Variants in MRPL37 observed in about 807,000 individuals in gnomAD.
MRPL37 encodes the protein large ribosomal subunit protein mL37.
In MRPL37, 34 loss-of-function variants were observed where a neutral mutation model predicts 44.1. The ratio of observed to expected loss-of-function variants is 0.77; its 90% CI spans 0.59 to 1.03. The LOEUF is 1.03. Among genes scored for constraint, MRPL37 ranks in the 50% least tolerant of loss-of-function variants. MRPL37 has a pLI of 0.00. For missense variants in MRPL37, 532 were observed against 543.7 expected, an observed-to-expected ratio of 0.98 and a Z score of 0.21; for synonymous variants, 212 against 219.5, an observed-to-expected ratio of 0.97 and a Z score of 0.30.
intron 6 of MRPL37, among the ~76,000 whole-genome samples, chr1:54,217,945 C>T (rs896740907): frequency 6.6e-5 from 10 of 152,170 alleles, no homozygotes; most frequent in Admixed American, 5.9e-4. Flanking sequence ...GAGAGGGCCT[C>T]GGGAGCAGAG....
In MRPL37 at chr1:54,209,937, CCCTT is replaced by C; in HGVS notation, c.647-8_647-5del. On this transcript the variant is annotated splice_region_variant and splice_polypyrimidine_tract_variant and intron_variant, in intron 3 of 6. Transcript: ENST00000360840. ...ACCAGGTTAGAGTAACCATTTTTCT[CCCTT>C]TTAGAGTCTCTTCTCCTTCAAGTCC... is the stretch of plus-strand genomic sequence containing the variant. The C allele has an allele frequency of 6.2e-7, 1 of 1,611,866 alleles. No individual in the cohort carries two copies. The highest frequency in any genetic ancestry group is 8.5e-7 in the Non-Finnish European group (1 of 1,179,238).
At chr1:54,205,944 T>A (rs1371317977) in intron 3 of MRPL37, among the ~76,000 whole-genome samples, 1 of 152,202 alleles carries the variant, frequency 6.6e-6, no homozygotes, top group Non-Finnish European at 1.5e-5. Flanking sequence ...TTAGTCTTTC[T>A]AGTCTTATCT....
chr1:54,213,925 G>A (rs1307802562), intron 5 of MRPL37, among the ~76,000 whole-genome samples: 1 of 152,232 alleles, frequency 6.6e-6, no homozygotes, highest in Non-Finnish European at 1.5e-5. Flanking sequence ...GTGCATACCT[G>A]TAATCCCAGC....
intron 1 of MRPL37, among the ~76,000 whole-genome samples, chr1:54,204,326 G>A (rs1644105717): frequency 6.6e-6 from 1 of 152,016 alleles, no homozygotes; most frequent in African/African-American, 2.4e-5. Flanking sequence ...AGGTTGTGGT[G>A]AGCCGAGATC....
At chr1:54,204,969 C>T (rs1644109881) in intron 1 of MRPL37, 49 bp from the exon 2 acceptor site, 4 of 1,579,114 alleles carry the variant, frequency 2.5e-6, no homozygotes, top group Non-Finnish European at 3.4e-6. Context: ...GCATCTCTTC[C>T]TGAATCTTTT....
chr1:54,217,786 C>T (rs1644208258), intron 6 of MRPL37, among the ~76,000 whole-genome samples: 1 of 152,192 alleles, frequency 6.6e-6, no homozygotes, highest in African/African-American at 2.4e-5. Context: ...AGTCAAGTTA[C>T]TGCTGTGTCT....
At position 54,205,145 on chromosome 1, in the gene MRPL37, C is replaced by G. The variant is rs1458599455; in HGVS notation, c.474C>G (p.Ile158Met). Residue 158 changes from isoleucine (I) to methionine (M), a missense_variant, in exon 2 of 7, where the codon ATC becomes ATG. Physicochemically the swap from Ile to Met is conservative, Grantham distance 10. Coordinates refer to ENST00000360840, the MANE Select transcript of MRPL37 (RefSeq NM_016491.4). ...ENQDECVLNV[I>M]SHARLWQTTE... ...AAGACGAGTGCGTTCTGAATGTGAT[C>G]TCTCACGCCCGTCTCTGGCAGACCA... 1.2e-6 allele frequency: 2 copies of G among 1,614,170 alleles called. No individual in the cohort carries two copies. Among genetic ancestry groups the G allele is most frequent in the South Asian group, 1.1e-5 (1 of 91,076 alleles).
chr1:54,217,433 G>A (rs1240085753), intron 6 of MRPL37, among the ~76,000 whole-genome samples: 3 of 152,128 alleles, frequency 2.0e-5, no homozygotes, highest in Non-Finnish European at 4.4e-5. Context: ...CCAGGATACT[G>A]ACTCAGGGCT....
chr1:54,203,937 TTGC>T (rs1433227175), intron 1 of MRPL37, among the ~76,000 whole-genome samples: 3 of 152,246 alleles, frequency 2.0e-5, no homozygotes, highest in African/African-American at 7.2e-5. Flanking sequence ...TTATTGCCTA[TTGC>T]TGCTTTTGTG....
chr1:54,219,743 C>T (rs76498854), downstream of MRPL37, among the ~76,000 whole-genome samples: 55 of 152,378 alleles, frequency 3.6e-4, no homozygotes, highest in East Asian at 7.9e-3. Flanking sequence ...CAAGTTTCTT[C>T]CATGCTGTTG....
At position 54,205,411 on chromosome 1, in the gene MRPL37, G is replaced by A. The variant is rs759245903; in HGVS notation, c.646+1G>A. On this transcript the variant is annotated splice_donor_variant, in intron 3 of 6. Transcript: ENST00000360840. LOFTEE classifies it high-confidence loss of function. ...ACGTTTTCTGCTACCTGGAACCGAG[G>A]TTGGTCATCTTGTACACCAGAAAGC... The A allele has an allele frequency of 1.2e-5, 20 of 1,612,190 alleles. No homozygotes were observed. The Admixed American group carries it at 2.0e-4, about 16-fold the overall frequency.
At chr1:54,213,177 G>A (rs1478503444) in intron 5 of MRPL37, among the ~76,000 whole-genome samples, 1 of 152,238 alleles carries the variant, frequency 6.6e-6, no homozygotes, top group Non-Finnish European at 1.5e-5. Context: ...ATCCTAAGAG[G>A]AGGTTTCAGG....
chr1:54,207,109 C>G (rs1377538463), intron 3 of MRPL37, among the ~76,000 whole-genome samples: 1 of 152,206 alleles, frequency 6.6e-6, no homozygotes, highest in Non-Finnish European at 1.5e-5. Flanking sequence ...CTCAAGCCCC[C>G]CTTCTCTGTG....
chr1:54,208,013 C>T (rs1301934163), intron 3 of MRPL37, among the ~76,000 whole-genome samples: 3 of 152,156 alleles, frequency 2.0e-5, no homozygotes, highest in Non-Finnish European at 4.4e-5. Context: ...TTTCCAGGCA[C>T]ATTTTGTCTG....
At chr1:54,200,688 C>A in intron 1 of MRPL37, 99 bp downstream of exon 1, 1 of 1,333,090 alleles carries the variant, frequency 7.5e-7, no homozygotes, top group South Asian at 1.5e-5. Context: ...CTCTGTGGGT[C>A]TTGGTTTCTT....
rs774954434 is a variant in MRPL37, at chr1:54,218,228, A to C, written c.1251A>C (p.Leu417=). The change falls in exon 7 of 7, where the codon CTA becomes CTC. Residue 417 remains leucine (L), a synonymous_variant. Coordinates refer to ENST00000360840, the MANE Select transcript of MRPL37 (RefSeq NM_016491.4). The part of the protein sequence containing the change: ...KPETFRKFLA[L]YLHGAA ...AGACATTCAGAAAGTTTTTAGCTCT[A>C]TATTTGCATGGTGCTGCGTGAGCGG... 2 of 1,614,194 alleles carry C rather than the reference A, an allele frequency of 1.2e-6. No individual in the cohort carries two copies. Among genetic ancestry groups the C allele is most frequent in the Admixed American group, 1.7e-5 (1 of 60,032 alleles).
At chr1:54,204,897 GA>G in intron 1 of MRPL37, 120 bp from the exon 2 acceptor site, 3 of 1,178,144 alleles carry the variant, frequency 2.5e-6, no homozygotes, top group Non-Finnish European at 3.5e-6. Context: ...AGGTGTCACA[GA>G]ACAAATCCAG....
chr1:54,220,667 A>G (rs780531916), downstream of MRPL37: 1 of 471,674 alleles, frequency 2.1e-6, no homozygotes. Flanking sequence ...TCACTCCCTC[A>G]TTCAACGCAG....
chr1:54,218,066 A>G, intron 6 of MRPL37, 106 bp from the exon 7 acceptor site: 2 of 1,030,214 alleles, frequency 1.9e-6, no homozygotes, highest in Non-Finnish European at 3.1e-6. Context: ...TGTCAGAAAA[A>G]GAAAGTTACT....
Sources: allele counts gnomAD v4.1 joint callset (sites outside exome capture counted in the v4.1 genomes callset), GRCh38; gene constraint gnomAD v4.1.1; transcripts MANE v1.5; gene names NCBI Gene and HGNC (gene_info 2026-07-23, HGNC 2026-07-21).